Variants in SORBS2 observed in about 807,000 individuals in gnomAD.
SORBS2 encodes the protein sorbin and SH3 domain containing 2.
Under a neutral mutation model 97.7 loss-of-function variants are expected in SORBS2, and 46 were observed. That is an observed-to-expected ratio of 0.47 (90% CI 0.37 to 0.60). The LOEUF (loss-of-function observed/expected upper bound fraction) is 0.60. SORBS2 is among the 20% of genes least tolerant of loss of function. SORBS2 has a pLI of 0.00. For synonymous variants in SORBS2, 476 were observed against 473.4 expected, an observed-to-expected ratio of 1.01 and a Z score of -0.07; for missense variants, 1,316 against 1,282.3, an observed-to-expected ratio of 1.03 and a Z score of -0.40.
chr4:185,809,663 G>A (rs1023922409), intron 1 of SORBS2, among the ~76,000 whole-genome samples: 10 of 152,016 alleles, frequency 6.6e-5, no homozygotes, highest in African/African-American at 1.7e-4. Flanking sequence ...ATGGAGATGC[G>A]CTGTACAGAA....
At chr4:185,754,899 T>G (rs147416340) in intron 2 of SORBS2, among the ~76,000 whole-genome samples, 149 of 152,328 alleles carry the variant, frequency 9.8e-4, no homozygotes, top group African/African-American at 3.5e-3. Flanking sequence ...AGCCAGAAAT[T>G]GTCACACGAT....
intron 2 of SORBS2, 53 bp downstream of exon 10, chr4:185,652,609 G>A: frequency 7.4e-7 from 1 of 1,355,032 alleles, no homozygotes; most frequent in Non-Finnish European, 1.1e-6. Context: ...AAAGACGAAT[G>A]TAGTCCCTTC....
At chr4:185,590,520 TA>T (rs1382160209) in intron 13 of SORBS2, among the ~76,000 whole-genome samples, 1 of 152,170 alleles carries the variant, frequency 6.6e-6, no homozygotes, top group Non-Finnish European at 1.5e-5. Flanking sequence ...ACTATGGACA[TA>T]AGTCTCTTTT....
chr4:185,642,782 A>AC (rs935455420), intron 4 of SORBS2, among the ~76,000 whole-genome samples: 4 of 151,916 alleles, frequency 2.6e-5, no homozygotes, highest in Non-Finnish European at 4.4e-5. Context: ...AAACAGTACT[A>AC]CCCCCCTGCC....
chr4:185,871,618 C>T (rs2099230456), intron 1 of SORBS2, among the ~76,000 whole-genome samples: 1 of 152,200 alleles, frequency 6.6e-6, no homozygotes, highest in Admixed American at 6.5e-5. Context: ...TCTTCCTTTC[C>T]TTGCCTTCAC....
At chr4:185,746,506 A>G (rs1964651) in intron 2 of SORBS2, among the ~76,000 whole-genome samples, 122,625 of 151,970 alleles carry the variant, frequency 0.81, 49,823 homozygotes, top group African/African-American at 0.85. Context: ...TAGTAGAGAC[A>G]GAGTTTCACC....
rs898774026 is a variant in SORBS2 at position 185,794,076 on chromosome 4, T to G, written c.-337-18710A>C. Among the ~76,000 whole-genome samples the G allele has an allele frequency of 3.3e-5, 5 of 152,072 alleles. 1 individual carries two copies. Among genetic ancestry groups the G allele is most frequent in the Admixed American group, 2.6e-4 (4 of 15,296 alleles). On this transcript the variant is annotated intron_variant, in intron 1 of 20. Transcript: ENST00000284776. The stretch of plus-strand genomic sequence containing the variant: ...AAAGCATTTGTTTTACTTTCTTTTT[T>G]AAAAGAAAAAAAAATACTGTTATTT...
At chr4:185,735,377 T>C (rs1172292206) in intron 2 of SORBS2, among the ~76,000 whole-genome samples, 1 of 29,288 alleles carries the variant, frequency 3.4e-5, no homozygotes, top group African/African-American at 7.5e-5. Context: ...GAGTAAACTA[T>C]TTTTTTTTTT....
intron 1 of SORBS2, among the ~76,000 whole-genome samples, chr4:185,930,637 A>G (rs2099265978): frequency 6.6e-6 from 1 of 152,040 alleles, no homozygotes; most frequent in Non-Finnish European, 1.5e-5. Context: ...GAATCCTTTC[A>G]GCTCTCTCTG....
At chr4:185,666,878 G>C (rs751981707) in intron 4 of SORBS2, among the ~76,000 whole-genome samples, 1 of 152,104 alleles carries the variant, frequency 6.6e-6, no homozygotes, top group Non-Finnish European at 1.5e-5. Flanking sequence ...TTAGAACTAT[G>C]GTTGGCACTA....
chr4:185,623,569 TG>T lies in SORBS2; in HGVS notation c.1559del (p.Ser520TyrfsTer57), dbSNP rs773631139. ...CAAAGTCACTTTCACTGCAGAAGGA[TG>T]ACCCCTCTAGGTGAATGTAGTCACT... is the stretch of plus-strand genomic sequence containing the variant. On this transcript the variant is annotated frameshift_variant, in exon 7 of 15. Coordinates refer to ENST00000418609, the Ensembl canonical transcript of SORBS2. LOFTEE classifies it high-confidence loss of function. The surrounding 1 kb of genome is among the most constrained non-coding windows in gnomAD (Gnocchi z 6.4). 6.2e-7 allele frequency: 1 copy of T among 1,614,108 alleles called. No homozygotes were observed. Among genetic ancestry groups the T allele is most frequent in the Non-Finnish European group, 8.5e-7 (1 of 1,180,016 alleles).
chr4:185,687,902 C>T (rs2098000726), intron 2 of SORBS2, among the ~76,000 whole-genome samples: 1 of 152,136 alleles, frequency 6.6e-6, no homozygotes, highest in South Asian at 2.1e-4. Context: ...AGGATGCTAC[C>T]TTTCATGTGT....
Position 185,606,438 on chromosome 4 carries a change from C to T in SORBS2, c.2796+5342G>A. 4.1e-6 allele frequency: 4 copies of T among 973,002 alleles called. No homozygotes were observed. Among genetic ancestry groups the T allele is most frequent in the Non-Finnish European group, 4.9e-6 (4 of 818,894 alleles). 60.3% of individuals were successfully genotyped at this position (973,002 alleles called of 1,614,324 possible). Reference sequence around the variant, plus strand: ...TAAATATGGTGTGTTTTCATATACCCACTCCACCCCCATCTTATATAGTAT... The same window carrying T: ...TAAATATGGTGTGTTTTCATATACCTACTCCACCCCCATCTTATATAGTAT... On this transcript the variant is annotated intron_variant, in intron 12 of 14. Transcript: ENST00000418609. This position sits in a 1 kb window ranked among gnomAD's most constrained non-coding sequence, Gnocchi z 4.3.
chr4:185,705,796 T>C (rs1417980407), intron 2 of SORBS2, among the ~76,000 whole-genome samples: 5 of 152,158 alleles, frequency 3.3e-5, no homozygotes, highest in Non-Finnish European at 7.3e-5. Context: ...GGCTTGAGGA[T>C]TCCCCTCATT....
chr4:185,801,777 A>G (rs1339425073), intron 1 of SORBS2, among the ~76,000 whole-genome samples: 2 of 152,188 alleles, frequency 1.3e-5, no homozygotes, highest in African/African-American at 4.8e-5. Flanking sequence ...TCAAGAACAA[A>G]GTTCTTTTCA....
chr4:185,731,864 C>CTATA (rs2098639782), intron 2 of SORBS2, among the ~76,000 whole-genome samples: 5 of 29,018 alleles, frequency 1.7e-4, no homozygotes, highest in Admixed American at 4.6e-4. Flanking sequence ...CTCTCTCTCT[C>CTATA]TCTATATATA....
At chr4:185,615,409 T>C (rs1195543876) in intron 9 of SORBS2, among the ~76,000 whole-genome samples, 1 of 152,132 alleles carries the variant, frequency 6.6e-6, no homozygotes, top group African/African-American at 2.4e-5. Context: ...CACAGACAGA[T>C]TAATAAGAAG....
At chr4:185,599,570 T>C (rs1198797791) in intron 12 of SORBS2, among the ~76,000 whole-genome samples, 2 of 152,184 alleles carry the variant, frequency 1.3e-5, no homozygotes, top group African/African-American at 4.8e-5. Context: ...AAATCCAAAT[T>C]GAATGACACA....
At chr4:185,604,042 C>T (rs1468168180) in intron 12 of SORBS2, among the ~76,000 whole-genome samples, 1 of 152,190 alleles carries the variant, frequency 6.6e-6, no homozygotes, top group Middle Eastern at 3.2e-3. Context: ...ATGGCAGGCA[C>T]TGAGCTAAGA....
Sources: gnomAD v4.1 joint callset for allele counts (sites outside exome capture counted in the v4.1 genomes callset) on GRCh38, gnomAD v4.1.1 for gene constraint, Gnocchi (gnomAD v3.1) non-coding constraint, MANE v1.5 for transcripts, NCBI Gene and HGNC (gene_info 2026-07-23, HGNC 2026-07-21) for gene names.